OSBPL1A: variants seen among roughly 807,000 people sequenced by gnomAD.
The protein encoded by OSBPL1A is oxysterol-binding protein-related protein 1.
A neutral mutation model predicts 137.1 loss-of-function variants in OSBPL1A; 80 were observed. That is an observed-to-expected ratio of 0.58 (90% CI 0.49 to 0.70). OSBPL1A has a LOEUF of 0.70. Ranked by LOEUF, OSBPL1A falls within the 30% of genes least tolerant of loss-of-function variation. The pLI is 0.00. For synonymous variants in OSBPL1A, 365 were observed against 389.7 expected (o/e 0.94, Z 0.75); for missense variants, 970 against 1,129.4 (o/e 0.86, Z 2.02).
rs773033302 is a variant in OSBPL1A at position 24,170,430 on chromosome 18, T to C, written c.2315A>G (p.Tyr772Cys). 1.1e-5 allele frequency: 17 copies of C among 1,613,986 alleles called. 1 individual carries two copies. The highest frequency in any genetic ancestry group is 1.3e-5 in the African/African-American group (1 of 74,920). ...DKSKKKLCAL[Y>C]GKWTECLYSV... ...GTATAAACATTCAGTCCACTTCCCA[T>C]AGAGGGCACAGAGCTTCTTTTTGCT... is the stretch of plus-strand genomic sequence containing the variant. Residue 772 changes from tyrosine to cysteine, a missense_variant, in exon 24 of 28, where the codon TAT becomes TGT. By Grantham distance (194) the Tyr-to-Cys change is radical. Coordinates refer to ENST00000319481, the MANE Select transcript of OSBPL1A (RefSeq NM_080597.4).
chr18:24,228,987 G>A (rs538363490), intron 16 of OSBPL1A, among the ~76,000 whole-genome samples: 1 of 152,106 alleles, frequency 6.6e-6, no homozygotes, highest in South Asian at 2.1e-4. Context: ...TATCACTTGA[G>A]GTCAGGAGTT....
rs376164195 is a variant in OSBPL1A, at chr18:24,353,066, T to C, written c.283-11408A>G. 9.1e-4 allele frequency among the ~76,000 whole-genome samples: 139 copies of C among 151,960 alleles called. 1 individual carries two copies. The East Asian group carries it at 0.017, about 19-fold the overall frequency. On this transcript the variant is annotated intron_variant, in intron 4 of 27. Transcript: ENST00000319481. ...GGCAACAAAAGCCAAAATTGACAAATGGGATCTAATTAAACTAAAGAGCTT... is the reference window on the plus strand; with the variant it reads ...GGCAACAAAAGCCAAAATTGACAAACGGGATCTAATTAAACTAAAGAGCTT...
At chr18:24,257,612 G>T (rs1005767742) in intron 15 of OSBPL1A, among the ~76,000 whole-genome samples, 1 of 151,938 alleles carries the variant, frequency 6.6e-6, no homozygotes, top group African/African-American at 2.4e-5. Flanking sequence ...GACAACCAAA[G>T]AAAAAATGGA....
At chr18:24,360,928 A>G (rs2091611812) in intron 4 of OSBPL1A, among the ~76,000 whole-genome samples, 1 of 152,188 alleles carries the variant, frequency 6.6e-6, no homozygotes, top group Non-Finnish European at 1.5e-5. Context: ...AAATGGGTAA[A>G]TAATTATCTT....
chr18:24,208,367 G>T (rs1018712441), intron 17 of OSBPL1A, among the ~76,000 whole-genome samples: 3 of 152,064 alleles, frequency 2.0e-5, no homozygotes, highest in Non-Finnish European at 4.4e-5. Context: ...AACAAATGAT[G>T]AGCAGAAAAG....
At chr18:24,270,997 A>C (rs2089704768) in intron 15 of OSBPL1A, among the ~76,000 whole-genome samples, 1 of 152,172 alleles carries the variant, frequency 6.6e-6, no homozygotes, top group Non-Finnish European at 1.5e-5. Context: ...AACTAGCCAC[A>C]TGCTCTGAAT....
Position 24,271,206 on chromosome 18 carries a change from G to A in OSBPL1A, c.1281+9636C>T, listed in dbSNP as rs929480991. The stretch of plus-strand genomic sequence containing the variant: ...GCGGCCTCTGAAGAGCGGATGGTAA[G>A]TTCATCTCAATGTCAGCCGGAGCAC... On this transcript the variant is annotated intron_variant, in intron 15 of 27. Coordinates refer to ENST00000319481, the MANE Select transcript of OSBPL1A (RefSeq NM_080597.4). This position sits in a 1 kb window ranked among gnomAD's most constrained non-coding sequence, Gnocchi z 4.0. 3.3e-5 allele frequency among the ~76,000 whole-genome samples: 5 copies of A among 152,200 alleles called. No individual in the cohort carries two copies. Among genetic ancestry groups the A allele is most frequent in the Admixed American group, 3.3e-4 (5 of 15,282 alleles).
At chr18:24,186,521 T>C (rs913845902) in intron 18 of OSBPL1A, among the ~76,000 whole-genome samples, 25 of 152,254 alleles carry the variant, frequency 1.6e-4, no homozygotes, top group African/African-American at 6.0e-4. Flanking sequence ...GTTGGGGGCA[T>C]ATGGAATCCT....
At chr18:24,298,368 G>T (rs1036292597) in intron 14 of OSBPL1A, among the ~76,000 whole-genome samples, 4 of 152,128 alleles carry the variant, frequency 2.6e-5, no homozygotes, top group Non-Finnish European at 5.9e-5. Flanking sequence ...CTTGCCCTGA[G>T]TTCTTTCTTG....
chr18:24,230,103 T>C (rs1286325895), intron 16 of OSBPL1A, among the ~76,000 whole-genome samples: 1 of 152,134 alleles, frequency 6.6e-6, no homozygotes. Flanking sequence ...CATATAAACA[T>C]CAAAATGTTA....
Position 24,283,964 on chromosome 18 carries a change from G to GTA in OSBPL1A, c.1175-3018_1175-3017dup, listed in dbSNP as rs988313634. ...ATTCCAAATATATATATATGTGTGT[G>GTA]TATATATATATATAAAGAAGTTTTC... On this transcript the variant is annotated intron_variant, in intron 14 of 27. Transcript: ENST00000319481. Among the ~76,000 whole-genome samples the GTA allele has an allele frequency of 3.2e-3, 479 of 151,434 alleles. 3 individuals are homozygous for GTA. The highest frequency in any genetic ancestry group is 3.4e-3 in the Middle Eastern group (1 of 292).
chr18:24,174,384 T>C (rs1392923882), intron 21 of OSBPL1A, among the ~76,000 whole-genome samples: 1 of 152,210 alleles, frequency 6.6e-6, no homozygotes, highest in East Asian at 1.9e-4. Context: ...ATTCAAAACT[T>C]GGACATCTGA....
Position 24,366,970 on chromosome 18 carries a change from G to T in OSBPL1A, c.208-4C>A. The stretch of plus-strand genomic sequence containing the variant: ...ACACATTCACTTCTGCACCAGCCTA[G>T]TAAACATGACCACTTTAAATACCAA... On this transcript the variant is annotated splice_polypyrimidine_tract_variant and splice_region_variant and intron_variant, in intron 3 of 27. Transcript: ENST00000319481. 6.2e-7 allele frequency: 1 copy of T among 1,604,216 alleles called. No individual in the cohort carries two copies. Among genetic ancestry groups the T allele is most frequent in the Non-Finnish European group, 8.5e-7 (1 of 1,175,332 alleles).
At chr18:24,187,474 G>A (rs750235954) in intron 18 of OSBPL1A, among the ~76,000 whole-genome samples, 8 of 152,068 alleles carry the variant, frequency 5.3e-5, no homozygotes, top group Non-Finnish European at 8.8e-5. Context: ...TCAAATCCTA[G>A]CTGTACTACC....
At chr18:24,204,386 T>C (rs2145957748) in intron 17 of OSBPL1A, among the ~76,000 whole-genome samples, 1 of 152,276 alleles carries the variant, frequency 6.6e-6, no homozygotes, top group South Asian at 2.1e-4. Context: ...TTTTTGTTAT[T>C]TAGTAAGAAT....
At chr18:24,281,858 C>G (rs2089966350) in intron 14 of OSBPL1A, among the ~76,000 whole-genome samples, 3 of 152,204 alleles carry the variant, frequency 2.0e-5, no homozygotes, top group Admixed American at 2.0e-4. Context: ...TGTTAGGAAC[C>G]TGGCCACACA....
intron 16 of OSBPL1A, among the ~76,000 whole-genome samples, chr18:24,234,181 A>G (rs2088369344): frequency 6.6e-6 from 1 of 152,230 alleles, no homozygotes; most frequent in African/African-American, 2.4e-5. Context: ...AAGCATTTCT[A>G]TAAGCTTATT....
At chr18:24,382,288 T>TC (rs1411532672) in intron 1 of OSBPL1A, among the ~76,000 whole-genome samples, 1 of 143,332 alleles carries the variant, frequency 7.0e-6, no homozygotes, top group Non-Finnish European at 1.5e-5. Context: ...GCGCCTGTAG[T>TC]CCCAGCTACT....
chr18:24,213,184 C>A (rs74699757), intron 17 of OSBPL1A, among the ~76,000 whole-genome samples: 1,713 of 152,282 alleles, frequency 0.011, 33 homozygotes, highest in African/African-American at 0.039. Context: ...GTACAAGTCT[C>A]AGACAAGAGC....
Sources: allele counts gnomAD v4.1 joint callset (sites outside exome capture counted in the v4.1 genomes callset), GRCh38; gene constraint gnomAD v4.1.1; non-coding constraint Gnocchi (gnomAD v3.1); transcripts MANE v1.5; gene names NCBI Gene and HGNC (gene_info 2026-07-23, HGNC 2026-07-21).